Variants in MMP16 observed in about 807,000 individuals in gnomAD.
MMP16 encodes matrix metalloproteinase-16.
A neutral mutation model predicts 67.8 loss-of-function variants in MMP16; 12 were observed. The ratio of observed to expected loss-of-function variants is 0.18; its 90% CI spans 0.11 to 0.29. MMP16 has a LOEUF of 0.29. Ranked by LOEUF, MMP16 falls within the 10% of genes least tolerant of loss-of-function variation. The probability of loss-of-function intolerance (pLI) is 1.00; values close to 1 mark genes in which losing one functional copy is unlikely to be tolerated. For synonymous variants in MMP16, 249 were observed against 255.9 expected (o/e 0.97, Z 0.26); for missense variants, 475 against 765.7 (o/e 0.62, Z 4.48).
chr8:88,075,458 T>C (rs1281686535), intron 6 of MMP16, among the ~76,000 whole-genome samples: 1 of 152,104 alleles, frequency 6.6e-6, no homozygotes, highest in East Asian at 1.9e-4. Context: ...CATAGCAGGT[T>C]TCTATAAAGT....
At chr8:88,076,147 A>G (rs1808647550) in intron 6 of MMP16, among the ~76,000 whole-genome samples, 1 of 152,078 alleles carries the variant, frequency 6.6e-6, no homozygotes, top group Admixed American at 6.6e-5. Flanking sequence ...AAAGGAGGAA[A>G]TAGCTTAATT....
At position 88,255,998 on chromosome 8, in the gene MMP16, T is replaced by A. The variant is rs56354715; in HGVS notation, c.133-58692A>T. Among the ~76,000 whole-genome samples, 271 of 152,330 alleles carry A rather than the reference T, an allele frequency of 1.8e-3. 2 individuals are homozygous for A. The highest frequency in any genetic ancestry group is 6.2e-3 in the African/African-American group (259 of 41,584). ...ATTCTTATCTCTTCTCTTGGTTGAA[T>A]CTCAAGGTTGTCCCAGCTTATTTTT... On this transcript the variant is annotated intron_variant, in intron 1 of 9. Transcript: ENST00000286614.
At chr8:88,050,247 C>G (rs1323105271) in intron 8 of MMP16, among the ~76,000 whole-genome samples, 1 of 152,158 alleles carries the variant, frequency 6.6e-6, no homozygotes, top group Non-Finnish European at 1.5e-5. Context: ...CGCTTGAACC[C>G]AGGAGGCGAA....
At chr8:88,175,955 G>A (rs1314351858) in intron 3 of MMP16, among the ~76,000 whole-genome samples, 1 of 152,198 alleles carries the variant, frequency 6.6e-6, no homozygotes, top group Non-Finnish European at 1.5e-5. Flanking sequence ...CTTCTGCCAT[G>A]ATTGTGAGGC....
intron 6 of MMP16, among the ~76,000 whole-genome samples, chr8:88,078,185 C>A (rs978747759): frequency 1.3e-5 from 2 of 152,018 alleles, no homozygotes; most frequent in Non-Finnish European, 2.9e-5. Flanking sequence ...AAATAATAAC[C>A]ATAACTAGCC....
At chr8:88,057,731 G>A (rs753804157) in intron 7 of MMP16, among the ~76,000 whole-genome samples, 6 of 151,902 alleles carry the variant, frequency 3.9e-5, no homozygotes, top group Non-Finnish European at 8.8e-5. Flanking sequence ...TGTAACCATG[G>A]GTAATCTCAT....
chr8:88,311,196 T>C (rs1376281656), intron 1 of MMP16, among the ~76,000 whole-genome samples: 1 of 151,958 alleles, frequency 6.6e-6, no homozygotes, highest in East Asian at 1.9e-4. Context: ...TATATTAGGA[T>C]GGGGAAGAAA....
At chr8:88,084,882 T>C (rs1808808439) in intron 6 of MMP16, among the ~76,000 whole-genome samples, 1 of 151,944 alleles carries the variant, frequency 6.6e-6, no homozygotes, top group South Asian at 2.1e-4. Context: ...TGAATGTAAG[T>C]TTATTAAACC....
At chr8:88,317,216 A>C (rs1032769117) in intron 1 of MMP16, among the ~76,000 whole-genome samples, 1 of 152,190 alleles carries the variant, frequency 6.6e-6, no homozygotes, top group Non-Finnish European at 1.5e-5. Context: ...ATACTATCAA[A>C]CAGTATTGCA....
At chr8:88,248,277 G>C (rs1563573460) in intron 1 of MMP16, among the ~76,000 whole-genome samples, 1 of 151,956 alleles carries the variant, frequency 6.6e-6, no homozygotes, top group Non-Finnish European at 1.5e-5. Flanking sequence ...TAAGAATTTT[G>C]GGTATATAAG....
At chr8:88,082,176 C>T (rs556644881) in intron 6 of MMP16, among the ~76,000 whole-genome samples, 2 of 152,210 alleles carry the variant, frequency 1.3e-5, no homozygotes, top group African/African-American at 2.4e-5. Context: ...GACACACACA[C>T]ACACAGTTTA....
chr8:88,302,818 G>A lies in MMP16; in HGVS notation c.132+24257C>T, dbSNP rs372151321. On this transcript the variant is annotated intron_variant, in intron 1 of 9. Transcript: ENST00000286614. ...TCAGCACCTTCAACTGAAATAACCA[G>A]GTTCTCGCACTGGCACTGACTAGGC... Among the ~76,000 whole-genome samples, 135 of 152,296 alleles carry A rather than the reference G, an allele frequency of 8.9e-4. 1 individual carries two copies. The highest frequency in any genetic ancestry group is 2.9e-3 in the South Asian group (14 of 4,830).
At chr8:88,137,456 T>C (rs1188594901) in intron 4 of MMP16, among the ~76,000 whole-genome samples, 1 of 152,010 alleles carries the variant, frequency 6.6e-6, no homozygotes, top group East Asian at 1.9e-4. Flanking sequence ...GGTGCCAATT[T>C]TATTTTTATT....
rs761802548 is a variant in MMP16, at chr8:88,117,118, T to C, written c.872-400A>G. ...CAACAAAGTTAATCCTAGATTTCGA[T>C]AGATAATGATTCTATTCAAATATTT... On this transcript the variant is annotated intron_variant, in intron 5 of 9. Transcript: ENST00000286614. Among the ~76,000 whole-genome samples the C allele has an allele frequency of 4.3e-4, 66 of 152,162 alleles. 2 individuals are homozygous for C. Among genetic ancestry groups the C allele is most frequent in the Non-Finnish European group, 7.4e-5 (5 of 68,014 alleles).
At chr8:88,103,117 A>C (rs1809172051) in intron 6 of MMP16, among the ~76,000 whole-genome samples, 1 of 151,854 alleles carries the variant, frequency 6.6e-6, no homozygotes, top group African/African-American at 2.4e-5. Flanking sequence ...ATAGTAAGCT[A>C]CATTCCTTTC....
At position 88,045,098 on chromosome 8, in the gene MMP16, T is replaced by C. The variant is rs115982264; in HGVS notation, c.1489+1571A>G. 3.4e-3 allele frequency among the ~76,000 whole-genome samples: 517 copies of C among 152,302 alleles called. 5 individuals are homozygous for C. The highest frequency in any genetic ancestry group is 0.011 in the African/African-American group (476 of 41,574). The stretch of plus-strand genomic sequence containing the variant: ...TTGGTCTTTTAATTTTCTGAGCCAA[T>C]TGAATACACAAAAATTATTTTTCTC... On this transcript the variant is annotated intron_variant, in intron 9 of 9. Transcript: ENST00000286614.
At chr8:88,219,359 C>CA (rs28904626) in intron 1 of MMP16, among the ~76,000 whole-genome samples, 26,433 of 151,662 alleles carry the variant, frequency 0.17, 2,440 homozygotes, top group South Asian at 0.2. Context: ...ATCATAAAGG[C>CA]AAGACAAGAG....
At chr8:88,309,570 G>C (rs916845150) in intron 1 of MMP16, among the ~76,000 whole-genome samples, 6 of 151,874 alleles carry the variant, frequency 4.0e-5, no homozygotes, top group Admixed American at 1.3e-4. Context: ...CAAAGAAAAG[G>C]CTCCATGTGT....
chr8:88,299,316 G>T (rs1279775758), intron 1 of MMP16, among the ~76,000 whole-genome samples: 1 of 151,440 alleles, frequency 6.6e-6, no homozygotes, highest in South Asian at 2.1e-4. Context: ...AAATAAAAAG[G>T]CAAAAAAAAG....
Sources: allele counts gnomAD v4.1 joint callset (sites outside exome capture counted in the v4.1 genomes callset), GRCh38; gene constraint gnomAD v4.1.1; transcripts MANE v1.5; gene names NCBI Gene and HGNC (gene_info 2026-07-23, HGNC 2026-07-21).